Variants in HERC4 observed in about 807,000 individuals in gnomAD.
HERC4 encodes the protein HECT and RLD domain containing E3 ubiquitin protein ligase 4, also known as probable E3 ubiquitin-protein ligase HERC4.
HERC4 carries 28 observed loss-of-function variants against 124.3 expected under a neutral mutation model. The ratio of observed to expected loss-of-function variants is 0.23; its 90% CI spans 0.17 to 0.31. HERC4 has a LOEUF of 0.31. Ranked by LOEUF, HERC4 falls within the 10% of genes least tolerant of loss-of-function variation. The pLI is 1.00. For synonymous variants in HERC4, 407 were observed against 421.5 expected, an observed-to-expected ratio of 0.97 and a Z score of 0.42; for missense variants, 713 against 1,229.3, an observed-to-expected ratio of 0.58 and a Z score of 6.28.
intron 9 of HERC4, among the ~76,000 whole-genome samples, chr10:68,003,401 C>T (rs1415369273): frequency 5.3e-5 from 8 of 149,894 alleles, no homozygotes; most frequent in African/African-American, 2.0e-4. Flanking sequence ...TCTTGATCTC[C>T]TGACCTCATG....
intron 23 of HERC4, among the ~76,000 whole-genome samples, chr10:67,927,343 C>A: frequency 1.5e-5 from 2 of 134,522 alleles, no homozygotes; most frequent in Admixed American, 7.8e-5. Flanking sequence ...ATCAGATATA[C>A]AACAGAAGAA....
chr10:67,993,755 A>C (rs2036690841), intron 9 of HERC4: 1 of 152,198 alleles, frequency 6.6e-6, no homozygotes, highest in African/African-American at 2.4e-5. Flanking sequence ...TTCTTTTGAA[A>C]AAGATATTCC....
chr10:67,988,516 G>T, intron 15 of HERC4, 147 bp downstream of exon 15: 1 of 518,228 alleles, frequency 1.9e-6, no homozygotes, highest in Non-Finnish European at 3.3e-6. Context: ...CTTCTTTTAA[G>T]AGAAAGTATA....
At chr10:67,929,244 C>T (rs1185338275) in intron 23 of HERC4, among the ~76,000 whole-genome samples, 1 of 152,106 alleles carries the variant, frequency 6.6e-6, no homozygotes, top group Non-Finnish European at 1.5e-5. Context: ...GGGGTGTATA[C>T]AGTTCTGTAA....
At chr10:68,036,801 C>T (rs1185079968) in intron 5 of HERC4, among the ~76,000 whole-genome samples, 2 of 152,142 alleles carry the variant, frequency 1.3e-5, no homozygotes, top group African/African-American at 4.8e-5. Flanking sequence ...TAAAGACTTG[C>T]ATCAAATACT....
At chr10:68,066,285 C>G (rs980918326) in intron 3 of HERC4, among the ~76,000 whole-genome samples, 6 of 152,176 alleles carry the variant, frequency 3.9e-5, no homozygotes, top group African/African-American at 1.4e-4. Flanking sequence ...ATTGGGAATA[C>G]AGAACCTAAG....
intron 15 of HERC4, among the ~76,000 whole-genome samples, chr10:67,983,390 AAGC>A (rs1443344652): frequency 6.6e-6 from 1 of 152,136 alleles, no homozygotes; most frequent in Non-Finnish European, 1.5e-5. Context: ...AAAGAAACGA[AAGC>A]AGTATATCAT....
intron 9 of HERC4, among the ~76,000 whole-genome samples, chr10:68,005,164 T>C (rs555314139): frequency 2.1e-4 from 32 of 152,308 alleles, no homozygotes; most frequent in Non-Finnish European, 4.0e-4. Flanking sequence ...GTAATTTTAT[T>C]GGGGTCTGTC....
chr10:67,983,468 C>G (rs1225876272), intron 15 of HERC4, among the ~76,000 whole-genome samples: 1 of 152,078 alleles, frequency 6.6e-6, no homozygotes, highest in Non-Finnish European at 1.5e-5. Flanking sequence ...TGGAAGCAAT[C>G]TAAGTGTCCA....
At chr10:68,040,001 C>T (rs1172185739) in intron 4 of HERC4, 8 of 729,820 alleles carry the variant, frequency 1.1e-5, no homozygotes, top group Non-Finnish European at 1.3e-5. Context: ...GTCTCCTCTG[C>T]TAAACAGTAA....
intron 19 of HERC4, 53 bp from the exon 20 acceptor site, chr10:67,941,158 T>C: frequency 7.9e-7 from 1 of 1,267,800 alleles, no homozygotes. Flanking sequence ...AATATTAAAT[T>C]TTCTAAGATT....
In HERC4 at chr10:68,059,767, A is replaced by C. The variant is rs1245233052; in HGVS notation, c.226+13116T>G. On this transcript the variant is annotated intron_variant, in intron 3 of 24. Transcript: ENST00000373700. ...ATATATTATAATATTATATATCATA[A>C]TATTATATATTATAATATTATATAT... Among the ~76,000 whole-genome samples the C allele has an allele frequency of 2.4e-5, 2 of 84,908 alleles. 1 individual carries two copies. Among genetic ancestry groups the C allele is most frequent in the African/African-American group, 1.2e-4 (2 of 16,028 alleles). 55.7% of individuals were successfully genotyped at this position (84,908 alleles called of 152,430 possible).
At chr10:68,024,552 C>A (rs1054711108) in intron 8 of HERC4, among the ~76,000 whole-genome samples, 1 of 151,958 alleles carries the variant, frequency 6.6e-6, no homozygotes, top group Non-Finnish European at 1.5e-5. Flanking sequence ...GAATAAAAAA[C>A]ATTAATGAGG....
chr10:68,002,513 A>G (rs1321275050), intron 9 of HERC4, among the ~76,000 whole-genome samples: 2 of 152,202 alleles, frequency 1.3e-5, no homozygotes, highest in Non-Finnish European at 2.9e-5. Flanking sequence ...CAAGAATAAT[A>G]GATAAAAAAT....
intron 3 of HERC4, among the ~76,000 whole-genome samples, chr10:68,054,626 G>A (rs1051124195): frequency 6.6e-6 from 1 of 152,088 alleles, no homozygotes; most frequent in South Asian, 2.1e-4. Context: ...TTACAGGCAT[G>A]AGACATATAT....
intron 8 of HERC4, among the ~76,000 whole-genome samples, chr10:68,022,741 T>C (rs917408448): frequency 6.6e-6 from 1 of 151,880 alleles, no homozygotes; most frequent in Non-Finnish European, 1.5e-5. Flanking sequence ...ACACTATCTA[T>C]AGAATACAAC....
At chr10:67,996,698 T>A (rs1283681748) in intron 9 of HERC4, among the ~76,000 whole-genome samples, 1 of 152,110 alleles carries the variant, frequency 6.6e-6, no homozygotes, top group Non-Finnish European at 1.5e-5. Flanking sequence ...AAAATCATTT[T>A]GACTGGCCAG....
At chr10:68,074,144 A>G (rs1000171846) in intron 1 of HERC4, 6 of 152,226 alleles carry the variant, frequency 3.9e-5, no homozygotes, top group Admixed American at 2.6e-4. Flanking sequence ...CACTGACTGA[A>G]TATTTCCTCA....
intron 23 of HERC4, among the ~76,000 whole-genome samples, chr10:67,929,479 A>G (rs1169111197): frequency 6.6e-6 from 1 of 152,166 alleles, no homozygotes; most frequent in Non-Finnish European, 1.5e-5. Flanking sequence ...TCTTTCACTC[A>G]GCATAAAGCC....
Sources: allele counts gnomAD v4.1 joint callset (sites outside exome capture counted in the v4.1 genomes callset), GRCh38; gene constraint gnomAD v4.1.1; transcripts MANE v1.5; gene names NCBI Gene and HGNC (gene_info 2026-07-23, HGNC 2026-07-21).